ROBO2: variants seen among roughly 807,000 people sequenced by gnomAD.
ROBO2 encodes roundabout guidance receptor 2, also known as roundabout homolog 2.
Under a neutral mutation model 160.8 loss-of-function variants are expected in ROBO2, and 53 were observed. The observed-to-expected ratio is 0.33, with a 90% CI of 0.26 to 0.41. ROBO2 has a LOEUF of 0.41. Among genes scored for constraint, ROBO2 ranks in the 10% least tolerant of loss-of-function variants. ROBO2 has a pLI of 1.00. For synonymous variants in ROBO2, 664 were observed against 611.7 expected (o/e 1.09, Z -1.26); for missense variants, 1,577 against 1,722.4 (o/e 0.92, Z 1.49).
chr3:77,375,304 G>A (rs2072475290), intron 2 of ROBO2, among the ~76,000 whole-genome samples: 1 of 152,206 alleles, frequency 6.6e-6, no homozygotes, highest in Admixed American at 6.5e-5. Context: ...GGTTCCCAAT[G>A]ACAATAGAAT....
intron 2 of ROBO2, among the ~76,000 whole-genome samples, chr3:76,310,823 C>T (rs906054359): frequency 1.3e-5 from 2 of 152,128 alleles, no homozygotes; most frequent in African/African-American, 2.4e-5. Flanking sequence ...GCGGTGACAC[C>T]GGCTTTCACT....
At chr3:77,064,572 G>A (rs1224403310) in intron 1 of ROBO2, among the ~76,000 whole-genome samples, 1 of 151,662 alleles carries the variant, frequency 6.6e-6, no homozygotes, top group African/African-American at 2.4e-5. Flanking sequence ...TATTGGCCCG[G>A]CTGGTCTTGA....
intron 2 of ROBO2, among the ~76,000 whole-genome samples, chr3:76,966,669 A>T (rs1157373219): frequency 1.3e-5 from 2 of 152,214 alleles, no homozygotes; most frequent in African/African-American, 4.8e-5. Flanking sequence ...CCTGCCAACT[A>T]TGTGACTTCC....
At chr3:76,960,752 T>G (rs1050063727) in intron 2 of ROBO2, among the ~76,000 whole-genome samples, 2 of 152,148 alleles carry the variant, frequency 1.3e-5, no homozygotes, top group Non-Finnish European at 2.9e-5. Context: ...TGTAAGAAAT[T>G]TACTTATTTT....
At chr3:76,594,066 C>T (rs1241170121) in intron 2 of ROBO2, among the ~76,000 whole-genome samples, 2 of 151,936 alleles carry the variant, frequency 1.3e-5, no homozygotes, top group African/African-American at 4.8e-5. Flanking sequence ...AAAGCAGTAT[C>T]ATAGTTTAAT....
chr3:77,478,714 A>C (rs941577947), intron 3 of ROBO2, among the ~76,000 whole-genome samples: 3 of 152,350 alleles, frequency 2.0e-5, no homozygotes, highest in African/African-American at 7.2e-5. Context: ...TTAATAAAAA[A>C]ACTATAAAGT....
intron 2 of ROBO2, among the ~76,000 whole-genome samples, chr3:76,802,809 C>T (rs929186868): frequency 6.6e-6 from 1 of 151,772 alleles, no homozygotes; most frequent in Non-Finnish European, 1.5e-5. Flanking sequence ...AGACAAATGA[C>T]TGTAGTAATA....
At chr3:76,596,096 A>C (rs1194256549) in intron 2 of ROBO2, among the ~76,000 whole-genome samples, 3 of 152,136 alleles carry the variant, frequency 2.0e-5, no homozygotes, top group Non-Finnish European at 4.4e-5. Context: ...AAGATTTAAA[A>C]AAAGAAAGCA....
intron 2 of ROBO2, among the ~76,000 whole-genome samples, chr3:76,232,461 C>T (rs1704678176): frequency 6.6e-6 from 1 of 152,128 alleles, no homozygotes; most frequent in Non-Finnish European, 1.5e-5. Context: ...AACAGTAAGA[C>T]AGTTGTTTGA....
At chr3:77,163,384 G>A (rs1482178446) in intron 2 of ROBO2, among the ~76,000 whole-genome samples, 1 of 152,216 alleles carries the variant, frequency 6.6e-6, no homozygotes, top group Non-Finnish European at 1.5e-5. Flanking sequence ...GTAAGGCAGA[G>A]GCATAGCTGA....
intron 2 of ROBO2, among the ~76,000 whole-genome samples, chr3:76,346,439 A>G (rs1198791268): frequency 6.6e-6 from 1 of 152,018 alleles, no homozygotes; most frequent in African/African-American, 2.4e-5. Flanking sequence ...TGAGGTCAAG[A>G]CTATTTTCAG....
chr3:76,027,342 G>A (rs2066779426), intron 2 of ROBO2, among the ~76,000 whole-genome samples: 1 of 151,820 alleles, frequency 6.6e-6, no homozygotes, highest in African/African-American at 2.4e-5. Flanking sequence ...AACATTTCTG[G>A]TGGACAGAAT....
At chr3:76,702,365 C>T (rs367604034) in intron 2 of ROBO2, among the ~76,000 whole-genome samples, 24 of 151,960 alleles carry the variant, frequency 1.6e-4, no homozygotes, top group South Asian at 8.3e-4. Context: ...AGAGTTAATA[C>T]GGGGAAATGA....
chr3:77,551,093 A>G, intron 8 of ROBO2, 104 bp downstream of exon 9: 17 of 1,226,742 alleles, frequency 1.4e-5, no homozygotes, highest in Non-Finnish European at 1.9e-5. Context: ...ATTTCTATGT[A>G]TGCTTATCTT....
chr3:76,213,402 G>C (rs1196636640), intron 2 of ROBO2, among the ~76,000 whole-genome samples: 1 of 152,020 alleles, frequency 6.6e-6, no homozygotes, highest in Non-Finnish European at 1.5e-5. Flanking sequence ...TTAAAAAGTG[G>C]ATATGATTGT....
At chr3:77,415,261 A>C (rs2077121103) in intron 2 of ROBO2, among the ~76,000 whole-genome samples, 2 of 152,226 alleles carry the variant, frequency 1.3e-5, no homozygotes, top group African/African-American at 2.4e-5. Context: ...ATAGAAGAAG[A>C]GACAGGAGTT....
intron 2 of ROBO2, among the ~76,000 whole-genome samples, chr3:76,449,879 T>C (rs1458923084): frequency 6.6e-6 from 1 of 152,140 alleles, no homozygotes; most frequent in Non-Finnish European, 1.5e-5. Flanking sequence ...ATAGTAAATA[T>C]TCCACCTGCT....
At chr3:75,912,935 G>A (rs1017427679) in intron 1 of ROBO2, among the ~76,000 whole-genome samples, 8 of 152,126 alleles carry the variant, frequency 5.3e-5, no homozygotes, top group Admixed American at 2.0e-4. Flanking sequence ...TATTACTGCT[G>A]CTATAACAAA....
At chr3:77,476,368 A>ATGTGTGTGTG (rs60219148) in intron 2 of ROBO2, among the ~76,000 whole-genome samples, 91 of 144,214 alleles carry the variant, frequency 6.3e-4, no homozygotes, top group African/African-American at 2.2e-3. Context: ...GTCTGTGGGT[A>ATGTGTGTGTG]TGTGTGTGTG....
Sources: allele counts gnomAD v4.1 joint callset (sites outside exome capture counted in the v4.1 genomes callset), GRCh38; gene constraint gnomAD v4.1.1; transcripts MANE v1.5; gene names NCBI Gene and HGNC (gene_info 2026-07-23, HGNC 2026-07-21).